The following TXNDC5 variants were observed in gnomAD, a reference collection of about 807,000 sequenced individuals.
TXNDC5 encodes the protein thioredoxin domain-containing protein 5.
Under a neutral mutation model 52.6 loss-of-function variants are expected in TXNDC5, and 44 were observed. That is an observed-to-expected ratio of 0.84 (90% CI 0.66 to 1.08). The LOEUF is 1.08. Ranked by LOEUF, TXNDC5 falls within the 50% of genes least tolerant of loss-of-function variation. The pLI is 0.00. For missense variants in TXNDC5, 600 were observed against 565.5 expected, an observed-to-expected ratio of 1.06 and a Z score of -0.62; for synonymous variants, 241 against 234.4, an observed-to-expected ratio of 1.03 and a Z score of -0.26.
At chr6:7,883,302 G>A (rs377433039) in intron 9 of TXNDC5, 36 bp from the exon 10 acceptor site, 116 of 1,612,656 alleles carry the variant, frequency 7.2e-5, no homozygotes, top group Non-Finnish European at 8.6e-5. Flanking sequence ...GCAAACCAGC[G>A]GTCCAGATCA....
intron 1 of TXNDC5, among the ~76,000 whole-genome samples, chr6:7,908,080 C>G (rs1330842314): frequency 1.3e-5 from 2 of 151,996 alleles, no homozygotes; most frequent in Admixed American, 6.6e-5. Context: ...GTCAAGAGAT[C>G]GAGACAATCC....
Position 7,883,173 on chromosome 6 carries a change from C to G in TXNDC5, c.1270G>C (p.Val424Leu). 6.2e-7 allele frequency: 1 copy of G among 1,614,208 alleles called. No individual in the cohort carries two copies. The highest frequency in any genetic ancestry group is 8.5e-7 in the Non-Finnish European group (1 of 1,180,044). The change falls in exon 10 of 10, where the codon GTC (valine) becomes CTC (leucine). Residue 424 changes from valine to leucine, a missense_variant. Coordinates refer to ENST00000379757, the MANE Select transcript of TXNDC5 (RefSeq NM_030810.5). ...AGTTCGTCTTTCGCTTGGCTCAGGA[C>G]AAAGCGGTGTAACGAGTCAAGGTCT... The part of the protein sequence containing the change: ...GRDLDSLHRF[V>L]LSQAKDEL
intron 1 of TXNDC5, 149 bp downstream of exon 1, chr6:7,910,365 C>T: frequency 2.0e-6 from 2 of 1,004,682 alleles, no homozygotes; most frequent in Non-Finnish European, 2.5e-6. Flanking sequence ...CACCCCTGAG[C>T]CCCGAGCCCC....
intron 7 of TXNDC5, among the ~76,000 whole-genome samples, chr6:7,886,568 A>G (rs915153346): frequency 6.6e-6 from 1 of 152,186 alleles, no homozygotes; most frequent in African/African-American, 2.4e-5. Context: ...AGGCAATGAT[A>G]CCTGTTTTAC....
intron 3 of TXNDC5, among the ~76,000 whole-genome samples, chr6:7,897,888 G>C (rs930010975): frequency 6.6e-6 from 1 of 152,192 alleles, no homozygotes; most frequent in African/African-American, 2.4e-5. Context: ...TTTCACAAAG[G>C]AAACAATGTC....
chr6:7,881,951 C>CTT lies in TXNDC5; in HGVS notation c.*1191_*1192dup, dbSNP rs1464371783. 6.6e-6 allele frequency: 1 copy of CTT among 152,608 alleles called. No homozygotes were observed. The highest frequency in any genetic ancestry group is 1.5e-5 in the Non-Finnish European group (1 of 68,044). The allele number at this position is 152,608 out of a possible 1,614,324, so 9.5% of individuals were successfully genotyped here. On this transcript the variant is annotated 3_prime_UTR_variant, in exon 10 of 10. Coordinates refer to ENST00000379757, the MANE Select transcript of TXNDC5 (RefSeq NM_030810.5). ...ATCTTAGAGCTTAAGCCTGTATGTG[C>CTT]TTATTCCCAAGGGAGATAGAGGTGT...
At chr6:7,888,935 G>A (rs1760098759) in intron 6 of TXNDC5, 87 bp from the exon 7 acceptor site, 5 of 1,490,564 alleles carry the variant, frequency 3.4e-6, no homozygotes, top group African/African-American at 2.8e-5. Flanking sequence ...GCTTGCCCGG[G>A]TCAGAGCTCC....
At chr6:7,903,260 GT>G (rs1273067369) in intron 2 of TXNDC5, among the ~76,000 whole-genome samples, 6 of 148,674 alleles carry the variant, frequency 4.0e-5, no homozygotes, top group African/African-American at 1.5e-4. Context: ...GCATAGAATA[GT>G]TAATGCTTTT....
chr6:7,891,412 C>A (rs1417842306), intron 5 of TXNDC5, among the ~76,000 whole-genome samples: 3 of 152,084 alleles, frequency 2.0e-5, no homozygotes, highest in Non-Finnish European at 4.4e-5. Flanking sequence ...GCAGCCGAGG[C>A]CATAATTTAT....
intron 4 of TXNDC5, chr6:7,894,697 T>C: frequency 2.0e-6 from 2 of 983,482 alleles, no homozygotes; most frequent in Non-Finnish European, 1.2e-6. Flanking sequence ...GGATACAAAG[T>C]AAGCACAAGC....
chr6:7,906,868 G>A (rs1760753584), intron 1 of TXNDC5, among the ~76,000 whole-genome samples: 2 of 152,204 alleles, frequency 1.3e-5, no homozygotes, highest in Admixed American at 6.5e-5. Context: ...GCTTCTCATG[G>A]CATGAGCATC....
At position 7,899,669 on chromosome 6, in the gene TXNDC5, G is replaced by C; in HGVS notation, c.426C>G (p.Phe142Leu). ...GVRGYPTLKL[F>L]KPGQEAVKYQ... The stretch of plus-strand genomic sequence containing the variant: ...ACTTCACAGCTTCTTGGCCTGGCTT[G>C]AAAAGCTTTAAGCTGAAAGAATAAC... Residue 142 changes from phenylalanine (F) to leucine (L), a missense_variant, in exon 3 of 10, where the codon TTC (phenylalanine) becomes TTG (leucine). Phe to Leu is a conservative substitution (Grantham distance 22). Coordinates refer to ENST00000379757, the MANE Select transcript of TXNDC5 (RefSeq NM_030810.5). 1 of 1,613,926 alleles carries C rather than the reference G, an allele frequency of 6.2e-7. No homozygotes were observed. The highest frequency in any genetic ancestry group is 8.5e-7 in the Non-Finnish European group (1 of 1,179,930).
In TXNDC5 at chr6:7,886,120, C is replaced by A. The variant is rs574741308; in HGVS notation, c.964-77G>T. 5.8e-4 allele frequency: 750 copies of A among 1,282,528 alleles called. 2 individuals are homozygous for A. Among genetic ancestry groups the A allele is most frequent in the Non-Finnish European group, 7.5e-4 (676 of 900,414 alleles). The allele number at this position is 1,282,528 out of a possible 1,614,324, so 79.4% of individuals were successfully genotyped here. A position where few individuals can be genotyped will look rare whatever the true frequency, so the allele number is the denominator to read the frequency against. The stretch of plus-strand genomic sequence containing the variant: ...GGGCCATGCTTTGGGATTGCAGATA[C>A]ACGAATCAGTAATTTTTTAAAAATG... On this transcript the variant is annotated intron_variant, in intron 7 of 9. Transcript: ENST00000379757.
chr6:7,889,087 G>A (rs957086644), intron 6 of TXNDC5: 28 of 511,746 alleles, frequency 5.5e-5, no homozygotes, highest in African/African-American at 5.4e-4. Flanking sequence ...CAGAAGTCTG[G>A]GGCAGAGGCC....
intron 7 of TXNDC5, 110 bp from the exon 8 acceptor site, chr6:7,886,153 G>A (rs1178112049): frequency 1.6e-5 from 14 of 881,506 alleles, no homozygotes; most frequent in East Asian, 5.4e-5. Context: ...ATGCAGTTAC[G>A]TAGGCTCCAA....
intron 7 of TXNDC5, among the ~76,000 whole-genome samples, chr6:7,886,602 G>A (rs1409540213): frequency 6.6e-6 from 1 of 152,236 alleles, no homozygotes; most frequent in Non-Finnish European, 1.5e-5. Flanking sequence ...ATGGAAAGCA[G>A]CCTGTTCTAA....
rs369704257 is a variant in TXNDC5 at position 7,888,779 on chromosome 6, T to G, written c.889A>C (p.Thr297Pro). 1 of 1,614,136 alleles carries G rather than the reference T, an allele frequency of 6.2e-7. No homozygotes were observed. Among genetic ancestry groups the G allele is most frequent in the Non-Finnish European group, 8.5e-7 (1 of 1,180,018 alleles). ...ACGGTCTCCGTCGCTCCAGTCTCTG[T>G]GCGCTGCAGCTGCGACTCCACGTAC... ...REYVESQLQR[T>P]ETGATETVTP... The change falls in exon 7 of 10, where the codon ACA (threonine) becomes CCA (proline). Residue 297 changes from threonine to proline, a missense_variant. Transcript: ENST00000379757.
rs139332372 is a variant in TXNDC5 at position 7,904,241 on chromosome 6, G to A, written c.413+333C>T. On this transcript the variant is annotated intron_variant, in intron 2 of 9. Coordinates refer to ENST00000379757, the MANE Select transcript of TXNDC5 (RefSeq NM_030810.5). ...AAGGAACTATAGGAAGGGTGTTTGC[G>A]AATAAGTCACCAGCAAAAGCAAGCC... Among the ~76,000 whole-genome samples the A allele has an allele frequency of 2.7e-4, 41 of 152,248 alleles. No individual in the cohort carries two copies. The East Asian group carries it at 7.9e-3, about 29-fold the overall frequency.
chr6:7,894,744 T>C (rs1364505201), intron 4 of TXNDC5: 1 of 985,358 alleles, frequency 1.0e-6, no homozygotes, highest in Non-Finnish European at 1.2e-6. Context: ...GATGCTGGGC[T>C]GCCAAAATCC....
Sources: allele counts gnomAD v4.1 joint callset (sites outside exome capture counted in the v4.1 genomes callset), GRCh38; gene constraint gnomAD v4.1.1; transcripts MANE v1.5; gene names NCBI Gene and HGNC (gene_info 2026-07-23, HGNC 2026-07-21).